The following MCF2L variants were observed in gnomAD, a reference collection of about 807,000 sequenced individuals.
MCF2L encodes the protein guanine nucleotide exchange factor DBS.
Under a neutral mutation model 153.4 loss-of-function variants are expected in MCF2L, and 97 were observed. The ratio of observed to expected loss-of-function variants is 0.63; its 90% confidence interval spans 0.54 to 0.75. MCF2L has a LOEUF of 0.75. MCF2L is among the 30% of genes least tolerant of loss of function. The pLI, the probability that MCF2L is intolerant of heterozygous loss-of-function variation, is 0.00. For missense variants in MCF2L, 1,347 were observed against 1,495.2 expected, an observed-to-expected ratio of 0.90 and a Z score of 1.64; for synonymous variants, 659 against 632.2, an observed-to-expected ratio of 1.04 and a Z score of -0.64.
rs966198784 is a variant in MCF2L, at chr13:112,994,747, G to A, written c.80-20016G>A. Among the ~76,000 whole-genome samples, 7 of 152,320 alleles carry A rather than the reference G, an allele frequency of 4.6e-5. No homozygotes were observed. The South Asian group carries it at 1.2e-3, about 27-fold the overall frequency. ...GGCTCTCCTGCCTGGGGTCGCCGCT[G>A]CGGGCAGGACATATGGGCCTCCCAA... On this transcript the variant is annotated intron_variant, in intron 1 of 29. Transcript: ENST00000535094.
rs2081578130 is a variant in MCF2L at position 112,941,836 on chromosome 13, A to G, written c.169+39465A>G. Among the ~76,000 whole-genome samples, 1 of 152,254 alleles carries G rather than the reference A, an allele frequency of 6.6e-6. No individual in the cohort carries two copies. Among genetic ancestry groups the G allele is most frequent in the Non-Finnish European group, 1.5e-5 (1 of 68,042 alleles). On this transcript the variant is annotated intron_variant, in intron 2 of 29. Transcript: ENST00000375608. This position sits in a 1 kb window ranked among gnomAD's most constrained non-coding sequence, Gnocchi z 4.9. ...CTTGCTCTACAATCATAACCTAGGA[A>G]AAACCAGGCCATACAGAGATAGGAA...
chr13:112,932,320 A>G lies in MCF2L; in HGVS notation c.169+29949A>G, dbSNP rs2081472565. ...ATGAGAAGGACGTCAGAGTTCCAACAGAGGCTTCCAGTATACCTGACCAGT... is the reference window on the plus strand; with the variant it reads ...ATGAGAAGGACGTCAGAGTTCCAACGGAGGCTTCCAGTATACCTGACCAGT... On this transcript the variant is annotated intron_variant, in intron 2 of 29. Transcript: ENST00000375608. This position sits in a 1 kb window ranked among gnomAD's most constrained non-coding sequence, Gnocchi z 4.6. Among the ~76,000 whole-genome samples, 1 of 152,196 alleles carries G rather than the reference A, an allele frequency of 6.6e-6. No homozygotes were observed.
intron 1 of MCF2L, among the ~76,000 whole-genome samples, chr13:113,014,322 T>C (rs1170802297): frequency 6.6e-6 from 1 of 152,204 alleles, no homozygotes; most frequent in African/African-American, 2.4e-5. Flanking sequence ...TGGCCAGGTT[T>C]TCCTCCTGGG....
intron 2 of MCF2L, among the ~76,000 whole-genome samples, chr13:112,936,931 T>G (rs1235690785): frequency 1.3e-5 from 2 of 152,260 alleles, no homozygotes; most frequent in Non-Finnish European, 2.9e-5. Context: ...CTATGCTCAG[T>G]ACAGATGCAA....
intron 26 of MCF2L, chr13:113,093,854 G>A (rs2035423480): frequency 6.6e-6 from 1 of 152,398 alleles, no homozygotes; most frequent in East Asian, 1.9e-4. Context: ...AGCCTGGCAG[G>A]AGGAACACTG....
At chr13:113,023,657 T>C (rs747110402) in intron 2 of MCF2L, among the ~76,000 whole-genome samples, 2 of 152,212 alleles carry the variant, frequency 1.3e-5, no homozygotes, top group South Asian at 4.1e-4. Context: ...TGAAAAGCCC[T>C]ATTTTACAGA....
At chr13:112,945,688 C>T (rs889448419) in intron 2 of MCF2L, among the ~76,000 whole-genome samples, 9 of 152,158 alleles carry the variant, frequency 5.9e-5, no homozygotes, top group Non-Finnish European at 1.3e-4. Flanking sequence ...CCCTGGTCTG[C>T]GAAATGGGAT....
chr13:112,946,128 T>G (rs2081634959), intron 2 of MCF2L, among the ~76,000 whole-genome samples: 1 of 152,230 alleles, frequency 6.6e-6, no homozygotes, highest in Non-Finnish European at 1.5e-5. Flanking sequence ...ATGCTAAAAT[T>G]TTTAAATCAC....
At chr13:113,001,901 A>G in intron 1 of MCF2L, 1 of 1,590,996 alleles carries the variant, frequency 6.3e-7, no homozygotes, top group South Asian at 1.1e-5. Context: ...CCTGACTCGC[A>G]CTGGGCAGCA....
chr13:112,932,482 T>A lies in MCF2L; in HGVS notation c.169+30111T>A, dbSNP rs2081473923. Among the ~76,000 whole-genome samples the A allele has an allele frequency of 2.6e-5, 4 of 152,192 alleles. No individual in the cohort carries two copies. In the South Asian group the frequency reaches 8.3e-4, roughly 32 times the overall value. On this transcript the variant is annotated intron_variant, in intron 2 of 29. Transcript: ENST00000375608. This position sits in a 1 kb window ranked among gnomAD's most constrained non-coding sequence, Gnocchi z 4.6. ...TAGGCAAAAACTGTGGAAACCTGAA[T>A]AAACTGTGCATAGTTAATAATAATG...
At chr13:112,942,173 C>T (rs937562612) in intron 2 of MCF2L, among the ~76,000 whole-genome samples, 9 of 152,252 alleles carry the variant, frequency 5.9e-5, no homozygotes, top group Non-Finnish European at 1.2e-4. Context: ...CCCTGTGATG[C>T]TGTGCTTCAG....
Position 113,074,906 on chromosome 13 carries a change from G to A in MCF2L, c.1117-92G>A, listed in dbSNP as rs149439472. 2.3e-4 allele frequency: 264 copies of A among 1,149,758 alleles called. 1 individual carries two copies. In the African/African-American group the frequency reaches 2.3e-3, roughly 10 times the overall value. The allele number at this position is 1,149,758 out of a possible 1,614,324, so 71.2% of individuals were successfully genotyped here. On this transcript the variant is annotated intron_variant, in intron 10 of 29. Transcript: ENST00000535094. The surrounding 1 kb of genome is among the most constrained non-coding windows in gnomAD (Gnocchi z 4.2). Reference sequence around the variant, plus strand: ...AGTAAACAAAGAAATCAAGACACACGTGTGCCCCGGGACACACATCCCGTA... The same window carrying A: ...AGTAAACAAAGAAATCAAGACACACATGTGCCCCGGGACACACATCCCGTA...
intron 26 of MCF2L, among the ~76,000 whole-genome samples, chr13:113,091,716 G>A (rs988218829): frequency 4.6e-4 from 70 of 150,618 alleles, no homozygotes; most frequent in Non-Finnish European, 7.9e-4. Context: ...GCTCCCTGTG[G>A]AACCTGGCCC....
intron 2 of MCF2L, among the ~76,000 whole-genome samples, chr13:112,936,936 A>T (rs185859829): frequency 2.0e-5 from 3 of 152,380 alleles, no homozygotes; most frequent in African/African-American, 7.2e-5. Flanking sequence ...CTCAGTACAG[A>T]TGCAACAGAA....
At chr13:112,947,474 G>A (rs535147442) in intron 2 of MCF2L, among the ~76,000 whole-genome samples, 1 of 152,190 alleles carries the variant, frequency 6.6e-6, no homozygotes, top group South Asian at 2.1e-4. Flanking sequence ...CTGTGAAATC[G>A]CACAAGTTCT....
chr13:113,023,506 G>A (rs1594711362), intron 2 of MCF2L, among the ~76,000 whole-genome samples: 1 of 152,146 alleles, frequency 6.6e-6, no homozygotes, highest in African/African-American at 2.4e-5. Context: ...AGGCGGCGGG[G>A]GACTGTCGCT....
chr13:113,046,617 G>T lies in MCF2L; in HGVS notation c.369+1256G>T, dbSNP rs762038229. The T allele has an allele frequency of 3.8e-6, 2 of 533,188 alleles. No individual in the cohort carries two copies. Among genetic ancestry groups the T allele is most frequent in the Admixed American group, 1.9e-5 (1 of 51,580 alleles). The allele number at this position is 533,188 out of a possible 1,614,324, so 33.0% of individuals were successfully genotyped here. A position where few individuals can be genotyped will look rare whatever the true frequency, so the allele number is the denominator to read the frequency against. On this transcript the variant is annotated intron_variant, in intron 4 of 29. Transcript: ENST00000535094. This position sits in a 1 kb window ranked among gnomAD's most constrained non-coding sequence, Gnocchi z 4.4. Reference sequence around the variant, plus strand: ...TACAAGAATTAGAGGCCCCATATCTGCTCCGATGCCCACAACCTTCATCGT... The same window carrying T: ...TACAAGAATTAGAGGCCCCATATCTTCTCCGATGCCCACAACCTTCATCGT...
At chr13:113,001,570 C>T (rs886831006) in intron 1 of MCF2L, 18 of 497,946 alleles carry the variant, frequency 3.6e-5, no homozygotes, top group Admixed American at 5.2e-5. Flanking sequence ...GGGACTTTGG[C>T]GGAGTGTGGG....
chr13:112,967,637 T>C (rs1017493378), upstream of MCF2L: 2 of 152,388 alleles, frequency 1.3e-5, no homozygotes, highest in Non-Finnish European at 2.9e-5. Flanking sequence ...CTTCATCTTT[T>C]TATCCCTTTG....
Sources: gnomAD v4.1 joint callset for allele counts (sites outside exome capture counted in the v4.1 genomes callset) on GRCh38, gnomAD v4.1.1 for gene constraint, Gnocchi (gnomAD v3.1) non-coding constraint, MANE v1.5 for transcripts, NCBI Gene and HGNC (gene_info 2026-07-23, HGNC 2026-07-21) for gene names.